SERPINA4: variants seen among roughly 807,000 people sequenced by gnomAD.
SERPINA4 encodes the protein kallistatin.
Under a neutral mutation model 25.4 loss-of-function variants are expected in SERPINA4, and 24 were observed. The observed-to-expected ratio is 0.95, with a 90% CI of 0.69 to 1.33. SERPINA4 has a LOEUF of 1.33. Among genes scored for constraint, SERPINA4 ranks in the 40% most tolerant of loss-of-function variants. SERPINA4 has a pLI of 0.00. For missense variants in SERPINA4, 553 were observed against 535.8 expected (o/e 1.03, Z -0.32); for synonymous variants, 242 against 223.6 (o/e 1.08, Z -0.73).
At position 94,563,509 on chromosome 14, in the gene SERPINA4, C is replaced by A; in HGVS notation, c.27C>A (p.Leu9=). 1 of 1,613,706 alleles carries A rather than the reference C, an allele frequency of 6.2e-7. No individual in the cohort carries two copies. The highest frequency in any genetic ancestry group is 1.1e-5 in the South Asian group (1 of 91,068). Residue 9 remains leucine (L), a synonymous_variant, in exon 2 of 5, where the codon CTC becomes CTA. Coordinates refer to ENST00000557004, the MANE Select transcript of SERPINA4 (RefSeq NM_006215.4). ...TGCATCTTATCGACTACCTGCTCCTCCTGCTGGTTGGACTACTGGCCCTTT... is the reference window on the plus strand; with the variant it reads ...TGCATCTTATCGACTACCTGCTCCTACTGCTGGTTGGACTACTGGCCCTTT... MHLIDYLL[L]LLVGLLALSH... is the part of the protein sequence containing the mutation.
chr14:94,569,011 G>A (rs1200946096), intron 4 of SERPINA4, among the ~76,000 whole-genome samples: 2 of 152,200 alleles, frequency 1.3e-5, no homozygotes, highest in Non-Finnish European at 2.9e-5. Context: ...CGAGGGGGTA[G>A]AGCCTTGGGT....
intron 2 of SERPINA4, 76 bp downstream of exon 2, chr14:94,564,207 A>G: frequency 6.9e-7 from 1 of 1,448,100 alleles, no homozygotes; most frequent in Non-Finnish European, 9.5e-7. Flanking sequence ...CTGGTTAAAT[A>G]TATTTTTACA....
At chr14:94,565,016 G>T (rs753589567) in intron 2 of SERPINA4, among the ~76,000 whole-genome samples, 3 of 152,176 alleles carry the variant, frequency 2.0e-5, no homozygotes, top group Non-Finnish European at 2.9e-5. Context: ...ATTAGCCAGG[G>T]TTTCATCAGA....
rs148891129 is a variant in SERPINA4, at chr14:94,567,139, C to G, written c.819C>G (p.Asp273Glu). The change falls in exon 3 of 5, where the codon GAC becomes GAG. Residue 273 changes from aspartate (D) to glutamate (E), a missense_variant. Coordinates refer to ENST00000557004, the MANE Select transcript of SERPINA4 (RefSeq NM_006215.4). ...CSVLRMDYKG[D>E]ATVFFILPNQ... The stretch of plus-strand genomic sequence containing the variant: ...TGCTACGGATGGATTACAAAGGAGA[C>G]GCAACCGTGTTTTTCATTCTCCCTA... 1.2e-6 allele frequency: 2 copies of G among 1,614,000 alleles called. No individual in the cohort carries two copies. The highest frequency in any genetic ancestry group is 2.7e-5 in the African/African-American group (2 of 74,880).
At chr14:94,562,954 A>T (rs1902073107) in intron 1 of SERPINA4, among the ~76,000 whole-genome samples, 1 of 152,214 alleles carries the variant, frequency 6.6e-6, no homozygotes, top group Non-Finnish European at 1.5e-5. Flanking sequence ...GTGGTTTGTA[A>T]ACCATATAAA....
At position 94,563,816 on chromosome 14, in the gene SERPINA4, C is replaced by A. The variant is rs771926277; in HGVS notation, c.334C>A (p.Leu112Met). The A allele has an allele frequency of 1.9e-6, 3 of 1,614,218 alleles. No individual in the cohort carries two copies. The East Asian group carries it at 6.7e-5, about 36-fold the overall frequency. ...LEGLGFNLTE[L>M]SESDVHRGFQ... ...GGGCCTGGGCTTCAACCTCACCGAG[C>A]TGTCTGAGTCCGATGTCCATAGGGG... Residue 112 changes from leucine (L) to methionine (M), a missense_variant, in exon 2 of 5, where the codon CTG (leucine) becomes ATG (methionine). Transcript: ENST00000557004.
At chr14:94,562,935 T>G (rs1249090260) in intron 1 of SERPINA4, among the ~76,000 whole-genome samples, 1 of 152,176 alleles carries the variant, frequency 6.6e-6, no homozygotes, top group Admixed American at 6.5e-5. Flanking sequence ...TCAAACTAAA[T>G]GGCTGAAAGT....
At position 94,563,718 on chromosome 14, in the gene SERPINA4, C is replaced by G. The variant is rs372588655; in HGVS notation, c.236C>G (p.Pro79Arg). 6.8e-6 allele frequency: 11 copies of G among 1,613,854 alleles called. No individual in the cohort carries two copies. The Admixed American group carries it at 1.7e-4, about 24-fold the overall frequency. Reference protein sequence around the residue: ...ETPGKNIFFSPLSISAAYAML... With the variant: ...ETPGKNIFFSRLSISAAYAML... Reference sequence around the variant, plus strand: ...CCGGGGAAGAACATCTTTTTCTCCCCGCTGAGCATCTCGGCGGCCTACGCC... The same window carrying G: ...CCGGGGAAGAACATCTTTTTCTCCCGGCTGAGCATCTCGGCGGCCTACGCC... Residue 79 changes from proline to arginine, a missense_variant, in exon 2 of 5, where the codon CCG becomes CGG. Coordinates refer to ENST00000557004, the MANE Select transcript of SERPINA4 (RefSeq NM_006215.4).
intron 4 of SERPINA4, among the ~76,000 whole-genome samples, chr14:94,569,004 G>C (rs1045843459): frequency 6.6e-6 from 1 of 152,140 alleles, no homozygotes; most frequent in Non-Finnish European, 1.5e-5. Flanking sequence ...AAGTGCACGA[G>C]GGGGTAGAGC....
rs368707651 is a variant in SERPINA4, at chr14:94,563,466, G to A, written c.-17G>A. 3.8e-5 allele frequency: 61 copies of A among 1,600,472 alleles called. No individual in the cohort carries two copies. The highest frequency in any genetic ancestry group is 6.7e-5 in the South Asian group (6 of 89,892). On this transcript the variant is annotated splice_region_variant and 5_prime_UTR_variant, in exon 2 of 5. Transcript: ENST00000557004. ...CTGGGCATTCTCTTCCCTCCCATAG[G>A]CCTGAGAGTGCAGAGGATGCATCTT...
In SERPINA4 at chr14:94,564,053, C is replaced by T. The variant is rs776734977; in HGVS notation, c.571C>T (p.Arg191Ter). ...LINDHVKKET[R>*]GKIVDLVSEL... is the part of the protein sequence containing the mutation. Reference sequence around the variant, plus strand: ...CAACGACCACGTCAAGAAGGAAACTCGAGGGAAGATTGTGGATTTGGTCAG... The same window carrying T: ...CAACGACCACGTCAAGAAGGAAACTTGAGGGAAGATTGTGGATTTGGTCAG... The change falls in exon 2 of 5, where the codon CGA becomes TGA. Residue 191 changes from arginine to a stop codon, truncating the protein, a stop_gained. Transcript: ENST00000557004. LOFTEE classifies it high-confidence loss of function. 1.1e-5 allele frequency: 17 copies of T among 1,609,942 alleles called. No homozygotes were observed. In the Admixed American group the frequency reaches 1.3e-4, roughly 13 times the overall value.
chr14:94,561,930 GC>G (rs1349123957), intron 1 of SERPINA4: 1 of 1,253,792 alleles, frequency 8.0e-7, no homozygotes, highest in Non-Finnish European at 1.0e-6. Context: ...AGACTAGGAA[GC>G]TTTCTGCAAG....
chr14:94,565,691 CAAA>C (rs10566829), intron 2 of SERPINA4, among the ~76,000 whole-genome samples: 3,151 of 141,288 alleles, frequency 0.022, 93 homozygotes, highest in African/African-American at 0.073. Flanking sequence ...ACTAAAAATA[CAAA>C]AAAAAAAAAA....
In SERPINA4 at chr14:94,569,592, A is replaced by G. The variant is rs757723512; in HGVS notation, c.1281A>G (p.Pro427=). 2.5e-6 allele frequency: 4 copies of G among 1,614,098 alleles called. No homozygotes were observed. Among genetic ancestry groups the G allele is most frequent in the Admixed American group, 3.3e-5 (2 of 60,014 alleles). Residue 427 remains proline (P), a synonymous_variant, in exon 5 of 5, where the codon CCA becomes CCG. Coordinates refer to ENST00000557004, the MANE Select transcript of SERPINA4 (RefSeq NM_006215.4). ...FLGKVVDPTK[P] is the part of the protein sequence containing the mutation. ...GCAAGGTCGTCGACCCCACGAAACC[A>G]TAGCCCTCCCAGGGCTGCTCATCTG...
At position 94,569,435 on chromosome 14, in the gene SERPINA4, C is replaced by T. The variant is rs886483781; in HGVS notation, c.1124C>T (p.Thr375Ile). Residue 375 changes from threonine (T) to isoleucine (I), a missense_variant, in exon 5 of 5, where the codon ACC becomes ATC. Coordinates refer to ENST00000557004, the MANE Select transcript of SERPINA4 (RefSeq NM_006215.4). ...ACCTTGGACGTGGATGAGGCTGGCA[C>T]CGAGGCTGCAGCAGCCACCAGCTTC... is the stretch of plus-strand genomic sequence containing the variant. ...KATLDVDEAG[T>I]EAAAATSFAI... is the part of the protein sequence containing the mutation. The T allele has an allele frequency of 6.2e-7, 1 of 1,614,154 alleles. No individual in the cohort carries two copies.
chr14:94,565,066 A>G (rs987730083), intron 2 of SERPINA4, among the ~76,000 whole-genome samples: 1 of 152,228 alleles, frequency 6.6e-6, no homozygotes. Context: ...GGAGATCATT[A>G]TAGGAATTAG....
intron 2 of SERPINA4, 49 bp from the exon 3 acceptor site, chr14:94,566,921 G>T: frequency 1.3e-6 from 2 of 1,569,216 alleles, no homozygotes; most frequent in Non-Finnish European, 1.7e-6. Context: ...TGGAGGACTA[G>T]CTCTGTGGCC....
intron 2 of SERPINA4, among the ~76,000 whole-genome samples, chr14:94,566,506 T>A (rs987968477): frequency 6.6e-6 from 1 of 152,078 alleles, no homozygotes; most frequent in Non-Finnish European, 1.5e-5. Flanking sequence ...CCAAATCTAC[T>A]CACCTCCAAA....
At position 94,567,224 on chromosome 14, in the gene SERPINA4, A is replaced by G; in HGVS notation, c.904A>G (p.Asn302Asp). ...VLTPEMLMRW[N>D]NLLRKRNFYK... is the part of the protein sequence containing the mutation. ...GACTCCAGAGATGCTAATGAGGTGG[A>G]ACAACTTGTTGCGGAAGAGGTAATC... is the stretch of plus-strand genomic sequence containing the variant. The change falls in exon 3 of 5, where the codon AAC becomes GAC. Residue 302 changes from asparagine to aspartate, a missense_variant. Asn to Asp is a conservative substitution (Grantham distance 23). Transcript: ENST00000557004. The G allele has an allele frequency of 6.2e-7, 1 of 1,613,908 alleles. No individual in the cohort carries two copies. Among genetic ancestry groups the G allele is most frequent in the South Asian group, 1.1e-5 (1 of 91,032 alleles).
Sources: gnomAD v4.1 joint callset for allele counts (sites outside exome capture counted in the v4.1 genomes callset) on GRCh38, gnomAD v4.1.1 for gene constraint, MANE v1.5 for transcripts, NCBI Gene and HGNC (gene_info 2026-07-23, HGNC 2026-07-21) for gene names.